The following DISC1 variants were observed in gnomAD, a reference collection of about 807,000 sequenced individuals.
DISC1 encodes the protein disrupted in schizophrenia 1 protein.
In DISC1, 57 loss-of-function variants were observed where a neutral mutation model predicts 84.5. The observed-to-expected ratio is 0.67, with a 90% CI of 0.55 to 0.84. DISC1 has a LOEUF of 0.84. DISC1 is among the 40% of genes least tolerant of loss of function. The pLI, the probability that DISC1 is intolerant of heterozygous loss-of-function variation, is 0.00. For synonymous variants in DISC1, 411 were observed against 415.2 expected (o/e 0.99, Z 0.12); for missense variants, 1,000 against 1,057.8 (o/e 0.95, Z 0.76).
chr1:231,906,513 G>A (rs566673981), intron 9 of DISC1, among the ~76,000 whole-genome samples: 3 of 152,190 alleles, frequency 2.0e-5, no homozygotes, highest in Non-Finnish European at 2.9e-5. Flanking sequence ...GTGAATATAG[G>A]TGTTTCCCAG....
chr1:231,973,050 T>C (rs1340061827), intron 10 of DISC1, among the ~76,000 whole-genome samples: 2 of 140,338 alleles, frequency 1.4e-5, no homozygotes, highest in African/African-American at 5.0e-5. Context: ...GTCTTGTTCT[T>C]TTTTTTTTTT....
At chr1:231,661,656 A>G (rs1236542138) in intron 1 of DISC1, among the ~76,000 whole-genome samples, 2 of 152,092 alleles carry the variant, frequency 1.3e-5, no homozygotes, top group Admixed American at 6.5e-5. Flanking sequence ...TTGTTTTATC[A>G]TGATTCTTAG....
intron 5 of DISC1, among the ~76,000 whole-genome samples, chr1:231,770,247 A>G (rs1189272548): frequency 6.6e-6 from 1 of 151,454 alleles, no homozygotes; most frequent in Non-Finnish European, 1.5e-5. Flanking sequence ...ATGATATTTT[A>G]TGGATTATTT....
intron 10 of DISC1, among the ~76,000 whole-genome samples, chr1:231,979,470 C>T (rs149154052): frequency 4.6e-5 from 7 of 151,470 alleles, no homozygotes; most frequent in Admixed American, 6.6e-5. Flanking sequence ...CTGATATCAC[C>T]GGTTTATACT....
At chr1:231,943,330 G>A (rs1425938331) in intron 9 of DISC1, among the ~76,000 whole-genome samples, 1 of 152,274 alleles carries the variant, frequency 6.6e-6, no homozygotes, top group African/African-American at 2.4e-5. Flanking sequence ...GAGGTAGAGA[G>A]AGTGAGGGGG....
At chr1:232,024,217 ATTTCT>A (rs1244504594) in intron 11 of DISC1, among the ~76,000 whole-genome samples, 1 of 151,972 alleles carries the variant, frequency 6.6e-6, no homozygotes, top group Non-Finnish European at 1.5e-5. Flanking sequence ...TTGCCACTAG[ATTTCT>A]TTTCTATATA....
intron 8 of DISC1, among the ~76,000 whole-genome samples, chr1:231,816,969 T>G (rs1331030143): frequency 3.3e-5 from 5 of 152,012 alleles, no homozygotes; most frequent in Non-Finnish European, 5.9e-5. Flanking sequence ...TTCTTCTTCT[T>G]TCTCCCTCTC....
At chr1:231,662,819 T>C (rs981332519) in intron 1 of DISC1, among the ~76,000 whole-genome samples, 2 of 151,756 alleles carry the variant, frequency 1.3e-5, no homozygotes, top group Non-Finnish European at 2.9e-5. Context: ...CAAAAGGAAA[T>C]GAGAAAGGCA....
chr1:231,836,471 T>C (rs7551537), intron 9 of DISC1, among the ~76,000 whole-genome samples: 95,740 of 152,080 alleles, frequency 0.63, 30,401 homozygotes, highest in Middle Eastern at 0.66. Flanking sequence ...CTTCTCTGCA[T>C]AAACGATATA....
chr1:231,855,765 A>G (rs1290046418), intron 9 of DISC1, among the ~76,000 whole-genome samples: 1 of 152,198 alleles, frequency 6.6e-6, no homozygotes, highest in Non-Finnish European at 1.5e-5. Flanking sequence ...TTCACAGCCC[A>G]CAAAAGCAAG....
At chr1:231,695,191 C>A (rs202112655) in intron 2 of DISC1, among the ~76,000 whole-genome samples, 1 of 152,204 alleles carries the variant, frequency 6.6e-6, no homozygotes, top group African/African-American at 2.4e-5. Flanking sequence ...GGGATGCCCT[C>A]TATCAGGGCG....
intron 9 of DISC1, among the ~76,000 whole-genome samples, chr1:231,911,573 G>A: frequency 6.6e-6 from 1 of 152,200 alleles, no homozygotes; most frequent in East Asian, 1.9e-4. Flanking sequence ...CCCTTTGTGG[G>A]TAACCTGACC....
chr1:231,957,737 G>A (rs1427318549), intron 9 of DISC1, among the ~76,000 whole-genome samples: 1 of 152,142 alleles, frequency 6.6e-6, no homozygotes, highest in Non-Finnish European at 1.5e-5. Context: ...TAATGAACCA[G>A]AATGTTTAAT....
At chr1:231,702,068 A>C in intron 3 of DISC1, 44 bp downstream of exon 3, 1 of 1,585,974 alleles carries the variant, frequency 6.3e-7, no homozygotes, top group Non-Finnish European at 8.6e-7. Flanking sequence ...ATCATGTCCC[A>C]ATTTTCTTTC....
chr1:231,803,805 A>G (rs1387142243), intron 8 of DISC1, among the ~76,000 whole-genome samples: 3 of 151,988 alleles, frequency 2.0e-5, no homozygotes, highest in African/African-American at 4.8e-5. Flanking sequence ...AAAATTAGCT[A>G]GGCGTCATGG....
At chr1:231,760,170 C>T (rs1413301742) in intron 4 of DISC1, among the ~76,000 whole-genome samples, 2 of 152,132 alleles carry the variant, frequency 1.3e-5, no homozygotes, top group Non-Finnish European at 2.9e-5. Context: ...ACTTTTTAGA[C>T]CCAAATCATA....
chr1:231,733,373 G>A (rs2071886743), intron 3 of DISC1, among the ~76,000 whole-genome samples: 2 of 125,982 alleles, frequency 1.6e-5, no homozygotes, highest in South Asian at 5.5e-4. Context: ...TAGTGGTAGT[G>A]AGTGGTGGTG....
In DISC1 at chr1:231,698,687, T is replaced by A. The variant is rs976391143; in HGVS notation, c.1048-3268T>A. ...TAAATGAATTTTTTTCCTGACCTTG[T>A]TTCCTGCATTTCTTCAGCTTCTGTT... is the stretch of plus-strand genomic sequence containing the variant. On this transcript the variant is annotated intron_variant, in intron 2 of 12. Coordinates refer to ENST00000439617, the MANE Select transcript of DISC1 (RefSeq NM_018662.3). The surrounding 1 kb of genome is among the most constrained non-coding windows in gnomAD (Gnocchi z 4.9). Among the ~76,000 whole-genome samples, 6 of 152,204 alleles carry A rather than the reference T, an allele frequency of 3.9e-5. No homozygotes were observed. Among genetic ancestry groups the A allele is most frequent in the Non-Finnish European group, 7.3e-5 (5 of 68,034 alleles).
chr1:231,874,803 C>T (rs1341674503), intron 9 of DISC1, among the ~76,000 whole-genome samples: 3 of 150,064 alleles, frequency 2.0e-5, no homozygotes, highest in African/African-American at 2.5e-5. Context: ...CCCAGCTACT[C>T]GGGAGGCTGA....
Sources: gnomAD v4.1 joint callset for allele counts (sites outside exome capture counted in the v4.1 genomes callset) on GRCh38, gnomAD v4.1.1 for gene constraint, Gnocchi (gnomAD v3.1) non-coding constraint, MANE v1.5 for transcripts, NCBI Gene and HGNC (gene_info 2026-07-23, HGNC 2026-07-21) for gene names.